The following TOP6BL variants were observed in gnomAD, a reference collection of about 807,000 sequenced individuals.
TOP6BL encodes the protein type 2 DNA topoisomerase 6 subunit B-like.
chr11:66,816,511 C>T, the TOP6BL span, among the ~76,000 whole-genome samples: 1 of 152,140 alleles, frequency 6.6e-6, no homozygotes, highest in East Asian at 1.9e-4. Context: ...AATGCTTACT[C>T]CCCAGAGATT....
the TOP6BL span, among the ~76,000 whole-genome samples, chr11:66,825,241 G>A: frequency 6.6e-6 from 1 of 151,244 alleles, no homozygotes; most frequent in Admixed American, 6.6e-5. Flanking sequence ...CACTTTGGGA[G>A]GCCAAGGTGG....
the TOP6BL span, among the ~76,000 whole-genome samples, chr11:66,810,254 A>G: frequency 6.6e-6 from 1 of 152,234 alleles, no homozygotes; most frequent in Non-Finnish European, 1.5e-5. Context: ...AGAAATGTTA[A>G]CAGAAATCTT....
chr11:66,744,843 C>CGGCGGT, the TOP6BL span: 1 of 1,323,132 alleles, frequency 7.6e-7, no homozygotes, highest in Non-Finnish European at 9.7e-7. Context: ...GCGGCGGCGG[C>CGGCGGT]GGGCGGGTAC....
the TOP6BL span, among the ~76,000 whole-genome samples, chr11:66,804,467 T>C: frequency 6.6e-6 from 1 of 152,188 alleles, no homozygotes; most frequent in African/African-American, 2.4e-5. Flanking sequence ...AAAAGTAGTC[T>C]GGAGTTGAAT....
At chr11:66,778,936 G>T in the TOP6BL span, among the ~76,000 whole-genome samples, 5 of 152,274 alleles carry the variant, frequency 3.3e-5, no homozygotes, top group South Asian at 1.0e-3. Flanking sequence ...TTAATAAATG[G>T]TGCTGGGAAA....
the TOP6BL span, among the ~76,000 whole-genome samples, chr11:66,794,899 G>A: frequency 4.3e-4 from 65 of 152,238 alleles, no homozygotes; most frequent in African/African-American, 1.5e-3. Flanking sequence ...TTGGGAGGCC[G>A]AGGTGGGCAG....
chr11:66,802,005 AT>A, the TOP6BL span, among the ~76,000 whole-genome samples: 1 of 151,976 alleles, frequency 6.6e-6, no homozygotes, highest in African/African-American at 2.4e-5. Context: ...CAATTAATTT[AT>A]TTTTTCTTTT....
chr11:66,815,199 CT>C, the TOP6BL span, among the ~76,000 whole-genome samples: 2 of 152,306 alleles, frequency 1.3e-5, no homozygotes, highest in East Asian at 1.9e-4. Flanking sequence ...GCCATACCTC[CT>C]TTTCTCTTTC....
At chr11:66,776,566 TC>T in the TOP6BL span, among the ~76,000 whole-genome samples, 27 of 149,916 alleles carry the variant, frequency 1.8e-4, no homozygotes, top group East Asian at 5.4e-3. Context: ...GATTGGAGGA[TC>T]ATTTGAGGCC....
the TOP6BL span, among the ~76,000 whole-genome samples, chr11:66,838,007 C>T: frequency 6.6e-6 from 1 of 152,098 alleles, no homozygotes. Flanking sequence ...GCATGATGGC[C>T]CTTGCCTTTG....
chr11:66,793,440 T>G, the TOP6BL span, among the ~76,000 whole-genome samples: 3 of 147,886 alleles, frequency 2.0e-5, no homozygotes, highest in Non-Finnish European at 4.5e-5. Flanking sequence ...TTTTTTCTTT[T>G]TTTGTTTTTT....
At chr11:66,745,033 G>T in the TOP6BL span, 1 of 1,118,790 alleles carries the variant, frequency 8.9e-7, no homozygotes, top group Non-Finnish European at 1.1e-6. Context: ...GAAGGAGGAA[G>T]GTTCGGGAAT....
chr11:66,764,665 CAAA>C, the TOP6BL span, among the ~76,000 whole-genome samples: 1 of 129,118 alleles, frequency 7.7e-6, no homozygotes, highest in Non-Finnish European at 1.6e-5. Context: ...ACTCCATCTC[CAAA>C]AAAAAAAAAA....
the TOP6BL span, chr11:66,758,302 C>CTTTTTTTTTTTTTTTGTTTTTTTTT: frequency 1.5e-5 from 1 of 67,318 alleles, no homozygotes; most frequent in Non-Finnish European, 2.5e-5. Context: ...TTTTCTTTTT[C>CTTTTTTTTTTTTTTTGTTTTTTTTT]TTTTTTTTTT....
chr11:66,753,559 A>G, the TOP6BL span, among the ~76,000 whole-genome samples: 1 of 151,608 alleles, frequency 6.6e-6, no homozygotes, highest in Non-Finnish European at 1.5e-5. Flanking sequence ...GGTGCCTGCC[A>G]CCACGCCCGG....
chr11:66,769,049 T>A, the TOP6BL span, among the ~76,000 whole-genome samples: 2 of 152,322 alleles, frequency 1.3e-5, no homozygotes, highest in South Asian at 4.1e-4. Flanking sequence ...TCTGTCCTTC[T>A]GGGTTACCAC....
the TOP6BL span, among the ~76,000 whole-genome samples, chr11:66,816,813 A>G: frequency 2.5e-4 from 38 of 152,060 alleles, no homozygotes; most frequent in Admixed American, 2.0e-3. Flanking sequence ...CCTGGCTTCA[A>G]GTAATCTTCC....
At chr11:66,744,821 G>GCGA in the TOP6BL span, 1 of 1,064,532 alleles carries the variant, frequency 9.4e-7, no homozygotes, top group African/African-American at 1.7e-5. Context: ...TGAGGAGGGG[G>GCGA]CGGCGGCGGC....
At chr11:66,789,949 C>G in the TOP6BL span, among the ~76,000 whole-genome samples, 1 of 152,146 alleles carries the variant, frequency 6.6e-6, no homozygotes, top group African/African-American at 2.4e-5. Context: ...GAGCTAGATA[C>G]TATCTGTAGG....
Sources: gnomAD v4.1 joint callset for allele counts (sites outside exome capture counted in the v4.1 genomes callset) on GRCh38, gnomAD v4.1.1 for gene constraint, MANE v1.5 for transcripts, NCBI Gene and HGNC (gene_info 2026-07-23, HGNC 2026-07-21) for gene names.